TBC1D22A: variants seen among roughly 807,000 people sequenced by gnomAD.
The protein encoded by TBC1D22A is putative GTPase activator.
A neutral mutation model predicts 60.2 loss-of-function variants in TBC1D22A; 38 were observed. That is an observed-to-expected ratio of 0.63 (90% CI 0.49 to 0.83). The LOEUF is 0.83. Among genes scored for constraint, TBC1D22A ranks in the 40% least tolerant of loss-of-function variants. TBC1D22A has a pLI of 0.00. For synonymous variants in TBC1D22A, 302 were observed against 281.7 expected, an observed-to-expected ratio of 1.07 and a Z score of -0.72; for missense variants, 628 against 701.0, an observed-to-expected ratio of 0.90 and a Z score of 1.18.
At chr22:46,919,420 G>A (rs534849475) in intron 8 of TBC1D22A, among the ~76,000 whole-genome samples, 102 of 152,190 alleles carry the variant, frequency 6.7e-4, no homozygotes, top group Non-Finnish European at 1.3e-3. Flanking sequence ...TGAACATTTG[G>A]ATTGTTTTCA....
At chr22:47,172,644 G>A (rs907324675) in intron 12 of TBC1D22A, among the ~76,000 whole-genome samples, 2 of 152,164 alleles carry the variant, frequency 1.3e-5, no homozygotes, top group Non-Finnish European at 2.9e-5. Flanking sequence ...GGTTGTAACT[G>A]GAATTAATTT....
chr22:47,090,050 C>G (rs142173470), intron 11 of TBC1D22A, among the ~76,000 whole-genome samples: 1 of 152,110 alleles, frequency 6.6e-6, no homozygotes, highest in Non-Finnish European at 1.5e-5. Context: ...CCCCGGGCCC[C>G]GCCGTGCGCA....
chr22:46,795,167 C>T (rs1601894277), intron 3 of TBC1D22A, among the ~76,000 whole-genome samples: 3 of 152,222 alleles, frequency 2.0e-5, no homozygotes, highest in Non-Finnish European at 1.5e-5. Flanking sequence ...GGCTTGGAAA[C>T]CTGGTGACTG....
At chr22:46,763,415 T>G (rs1321457482) in intron 1 of TBC1D22A, 12 of 132,050 alleles carry the variant, frequency 9.1e-5, no homozygotes, top group African/African-American at 3.3e-4. Context: ...TTTTTTTTTT[T>G]TTTTTTTTTT....
At chr22:46,878,339 T>TAGGAGG (rs2067670934) in intron 4 of TBC1D22A, among the ~76,000 whole-genome samples, 1 of 144,750 alleles carries the variant, frequency 6.9e-6, no homozygotes, top group Non-Finnish European at 1.5e-5. Flanking sequence ...GAGAAGGAGG[T>TAGGAGG]GGGAGGGAAG....
chr22:47,035,471 T>G (rs960807616), intron 10 of TBC1D22A, among the ~76,000 whole-genome samples: 1 of 152,196 alleles, frequency 6.6e-6, no homozygotes, highest in African/African-American at 2.4e-5. Context: ...TTCTGCAGTT[T>G]CCACAATTAA....
intron 6 of TBC1D22A, among the ~76,000 whole-genome samples, chr22:46,892,076 A>G (rs569480374): frequency 1.3e-5 from 2 of 152,200 alleles, no homozygotes; most frequent in Non-Finnish European, 2.9e-5. Context: ...CTCTTTGAGG[A>G]CTTTATAATT....
rs1001979704 is a variant in TBC1D22A at position 46,903,590 on chromosome 22, G to A, written c.901-8484G>A. Among the ~76,000 whole-genome samples the A allele has an allele frequency of 3.3e-5, 5 of 152,184 alleles. No homozygotes were observed. The South Asian group carries it at 6.2e-4, about 19-fold the overall frequency. Reference sequence around the variant, plus strand: ...GGTCCTGAGGGAGTTGCGAGGAATCGGGCCCTGTCCAGGGGCATGGGGAGT... The same window carrying A: ...GGTCCTGAGGGAGTTGCGAGGAATCAGGCCCTGTCCAGGGGCATGGGGAGT... On this transcript the variant is annotated intron_variant, in intron 7 of 12. Transcript: ENST00000337137.
intron 11 of TBC1D22A, among the ~76,000 whole-genome samples, chr22:47,092,063 A>G (rs961827300): frequency 6.9e-4 from 105 of 152,180 alleles, no homozygotes; most frequent in African/African-American, 2.4e-3. Flanking sequence ...TGCACCATAC[A>G]GGGACCATAT....
In TBC1D22A at chr22:46,912,171, T is replaced by C; in HGVS notation, c.998T>C (p.Phe333Ser). 6.2e-7 allele frequency: 1 copy of C among 1,613,452 alleles called. No individual in the cohort carries two copies. The highest frequency in any genetic ancestry group is 8.5e-7 in the Non-Finnish European group (1 of 1,179,614). Residue 333 changes from phenylalanine (F) to serine (S), a missense_variant, in exon 8 of 13, where the codon TTC becomes TCC. Coordinates refer to ENST00000337137, the MANE Select transcript of TBC1D22A (RefSeq NM_014346.5). ...NDLVTPFFVV[F>S]ICEYIEAEEV... ...CTCGTCACTCCTTTCTTTGTGGTCT[T>C]CATTTGTGAATACATAGGTAAGATT...
At chr22:46,949,392 C>A (rs2072757894) in intron 8 of TBC1D22A, among the ~76,000 whole-genome samples, 1 of 152,196 alleles carries the variant, frequency 6.6e-6, no homozygotes, top group South Asian at 2.1e-4. Flanking sequence ...AGGGCCCCAT[C>A]TGTGATGGAG....
chr22:47,138,568 A>T (rs1288749762), intron 12 of TBC1D22A, among the ~76,000 whole-genome samples: 1 of 152,230 alleles, frequency 6.6e-6, no homozygotes, highest in Non-Finnish European at 1.5e-5. Context: ...TGTAGGAGGC[A>T]GGTTTTGGCA....
chr22:46,783,940 C>G (rs1365346165), intron 1 of TBC1D22A, among the ~76,000 whole-genome samples: 2 of 152,220 alleles, frequency 1.3e-5, no homozygotes, highest in East Asian at 1.9e-4. Flanking sequence ...GGAATTACGT[C>G]ATATGCATCT....
chr22:46,973,013 C>T (rs542192426), intron 8 of TBC1D22A, among the ~76,000 whole-genome samples: 218 of 152,324 alleles, frequency 1.4e-3, no homozygotes, highest in Non-Finnish European at 2.1e-3. Flanking sequence ...GACACGGAGG[C>T]GCTCTTGCCC....
intron 10 of TBC1D22A, among the ~76,000 whole-genome samples, chr22:47,023,478 T>A (rs1275173679): frequency 6.6e-6 from 1 of 152,218 alleles, no homozygotes; most frequent in Admixed American, 6.5e-5. Context: ...CCTATAAACC[T>A]GTAGAATTGA....
intron 10 of TBC1D22A, among the ~76,000 whole-genome samples, chr22:47,034,074 C>T (rs1437422170): frequency 1.3e-5 from 2 of 152,154 alleles, no homozygotes; most frequent in Non-Finnish European, 2.9e-5. Flanking sequence ...GCCGCGCTGC[C>T]CTTTACTTAT....
At chr22:46,966,176 C>A (rs955172301) in intron 8 of TBC1D22A, among the ~76,000 whole-genome samples, 10 of 152,210 alleles carry the variant, frequency 6.6e-5, no homozygotes, top group African/African-American at 2.4e-4. Context: ...GCGCTCTATC[C>A]GATCCTGCCG....
At position 46,941,538 on chromosome 22, in the gene TBC1D22A, CGGAATATATATACAG is replaced by C. The variant is rs2072087844; in HGVS notation, c.1015+29364_1015+29378del. Among the ~76,000 whole-genome samples the C allele has an allele frequency of 2.2e-5, 3 of 137,686 alleles. No individual in the cohort carries two copies. The South Asian group carries it at 6.6e-4, about 30-fold the overall frequency. The allele number at this position is 137,686 out of a possible 152,430, so 90.3% of individuals were successfully genotyped here. On this transcript the variant is annotated intron_variant, in intron 8 of 12. Coordinates refer to ENST00000337137, the MANE Select transcript of TBC1D22A (RefSeq NM_014346.5). ...AATATATATACACGGAATATATATA[CGGAATATATATACAG>C]GGAATATATATACGGAATATATATA...
intron 1 of TBC1D22A, chr22:46,773,778 A>G (rs811887): frequency 0.65 from 197,743 of 302,020 alleles, 65,217 homozygotes; most frequent in Middle Eastern, 0.77. Context: ...GGCGGGCTAG[A>G]CACTGTACAT....
Sources: allele counts gnomAD v4.1 joint callset (sites outside exome capture counted in the v4.1 genomes callset), GRCh38; gene constraint gnomAD v4.1.1; transcripts MANE v1.5; gene names NCBI Gene and HGNC (gene_info 2026-07-23, HGNC 2026-07-21).